The following FOXP1 variants were observed in gnomAD, a reference collection of about 807,000 sequenced individuals.
The protein encoded by FOXP1 is forkhead box protein P1.
FOXP1 carries 15 observed loss-of-function variants against 98.2 expected under a neutral mutation model. That is an observed-to-expected ratio of 0.15 (90% CI 0.10 to 0.24). The LOEUF (loss-of-function observed/expected upper bound fraction) is 0.24. FOXP1 is among the 10% of genes least tolerant of loss of function. FOXP1 has a pLI of 1.00. For missense variants in FOXP1, 633 were observed against 848.5 expected (o/e 0.75, Z 3.15); for synonymous variants, 371 against 314.5 (o/e 1.18, Z -1.90).
chr3:71,013,570 T>C (rs1402819776), intron 12 of FOXP1, among the ~76,000 whole-genome samples: 1 of 152,178 alleles, frequency 6.6e-6, no homozygotes, highest in African/African-American at 2.4e-5. Context: ...AATGGCCACA[T>C]TGCCCAAGGT....
At chr3:71,116,385 C>T (rs1309868622) in intron 6 of FOXP1, among the ~76,000 whole-genome samples, 1 of 152,150 alleles carries the variant, frequency 6.6e-6, no homozygotes, top group East Asian at 1.9e-4. Context: ...CCAAGGGAAA[C>T]TGCAGCCGAC....
intron 3 of FOXP1, among the ~76,000 whole-genome samples, chr3:71,424,742 G>A (rs576078934): frequency 1.3e-3 from 205 of 152,324 alleles, no homozygotes; most frequent in Middle Eastern, 6.8e-3. Context: ...GTGGTCCTCA[G>A]AATTCATCCA....
rs1454869045 is a variant in FOXP1 at position 71,396,955 on chromosome 3, T to TATATATATACACAC, written c.-167-37712_-167-37711insGTGTGTATATATAT. On this transcript the variant is annotated intron_variant, in intron 3 of 20. Transcript: ENST00000649528. ...ATATACACATATATATATGTGTATA[T>TATATATATACACAC]ATATATATGTGTGTATATATATATA... Among the ~76,000 whole-genome samples the TATATATATACACAC allele has an allele frequency of 1.4e-3, 71 of 51,624 alleles. 15 individuals are homozygous for TATATATATACACAC. Among genetic ancestry groups the TATATATATACACAC allele is most frequent in the Non-Finnish European group, 2.1e-3 (47 of 22,270 alleles). 33.9% of individuals were successfully genotyped at this position (51,624 alleles called of 152,430 possible).
intron 20 of FOXP1, among the ~76,000 whole-genome samples, chr3:70,961,697 A>T (rs2033572058): frequency 1.3e-5 from 2 of 151,998 alleles, no homozygotes. Context: ...ATAATTTTGG[A>T]AGCCCAGTGC....
intron 4 of FOXP1, among the ~76,000 whole-genome samples, chr3:71,320,104 T>C (rs1364869420): frequency 6.6e-6 from 1 of 152,092 alleles, no homozygotes; most frequent in East Asian, 1.9e-4. Context: ...TCTTGCAAAA[T>C]GTGAATGTAC....
chr3:71,379,807 A>T (rs928053220), intron 3 of FOXP1, among the ~76,000 whole-genome samples: 2 of 152,224 alleles, frequency 1.3e-5, no homozygotes, highest in Non-Finnish European at 2.9e-5. Flanking sequence ...GAAGCCAAAA[A>T]TATTTACTAC....
At chr3:71,545,347 G>C (rs1214664423) in intron 2 of FOXP1, among the ~76,000 whole-genome samples, 1 of 152,168 alleles carries the variant, frequency 6.6e-6, no homozygotes, top group African/African-American at 2.4e-5. Context: ...TCCCAAATCT[G>C]AGAGAAATAA....
At chr3:71,450,192 A>AT (rs1171905445) in intron 3 of FOXP1, among the ~76,000 whole-genome samples, 1 of 152,242 alleles carries the variant, frequency 6.6e-6, no homozygotes, top group Admixed American at 6.5e-5. Flanking sequence ...AATTTCAATG[A>AT]TTTAACTGAA....
At chr3:71,094,278 C>CTTTTTTTTTTTTTTT (rs1180804992) in intron 7 of FOXP1, among the ~76,000 whole-genome samples, 26 of 127,808 alleles carry the variant, frequency 2.0e-4, no homozygotes, top group Non-Finnish European at 3.1e-4. Context: ...TTTTTCTTTT[C>CTTTTTTTTTTTTTTT]TTTTTTTTTT....
chr3:70,985,815 A>G (rs2039634161), intron 14 of FOXP1, among the ~76,000 whole-genome samples: 1 of 152,076 alleles, frequency 6.6e-6, no homozygotes, highest in Admixed American at 6.6e-5. Context: ...AGTTCTTTAT[A>G]TTGGCTTGTA....
intron 4 of FOXP1, among the ~76,000 whole-genome samples, chr3:71,300,948 G>A (rs1373011629): frequency 6.6e-6 from 1 of 152,158 alleles, no homozygotes; most frequent in Non-Finnish European, 1.5e-5. Flanking sequence ...ATTTCACGAG[G>A]GCTAAAAATT....
At chr3:71,175,667 C>T (rs1228915386) in intron 6 of FOXP1, among the ~76,000 whole-genome samples, 2 of 152,266 alleles carry the variant, frequency 1.3e-5, no homozygotes, top group African/African-American at 4.8e-5. Context: ...GGGTAATCAG[C>T]TGACTTCATA....
chr3:71,424,743 A>G (rs961349912), intron 3 of FOXP1, among the ~76,000 whole-genome samples: 1 of 152,224 alleles, frequency 6.6e-6, no homozygotes, highest in Non-Finnish European at 1.5e-5. Flanking sequence ...TGGTCCTCAG[A>G]ATTCATCCAG....
intron 5 of FOXP1, among the ~76,000 whole-genome samples, chr3:71,281,169 G>T (rs2071519266): frequency 6.6e-6 from 1 of 151,676 alleles, no homozygotes; most frequent in Non-Finnish European, 1.5e-5. Context: ...GTTCAAGGCT[G>T]CAGTGAGCTA....
intron 13 of FOXP1, among the ~76,000 whole-genome samples, chr3:70,997,187 A>G (rs1278089498): frequency 6.6e-6 from 1 of 152,182 alleles, no homozygotes; most frequent in Non-Finnish European, 1.5e-5. Context: ...CCAACAGAAA[A>G]CGGAAATAGG....
At chr3:71,159,648 T>G (rs1221638167) in intron 6 of FOXP1, among the ~76,000 whole-genome samples, 1 of 152,162 alleles carries the variant, frequency 6.6e-6, no homozygotes, top group African/African-American at 2.4e-5. Context: ...TGAGACCAAC[T>G]GACCTTCAGC....
intron 7 of FOXP1, among the ~76,000 whole-genome samples, chr3:71,102,890 G>A (rs974430552): frequency 6.6e-6 from 1 of 152,142 alleles, no homozygotes; most frequent in African/African-American, 2.4e-5. Context: ...TCAGCTGTAT[G>A]GCCTTGGACA....
In FOXP1 at chr3:71,498,654, ACGGGCATT is replaced by A. The variant is rs374524304; in HGVS notation, c.-297-5107_-297-5100del. On this transcript the variant is annotated intron_variant, in intron 2 of 20. Transcript: ENST00000649528. The stretch of plus-strand genomic sequence containing the variant: ...ATTGATAACAGACAACATGCTCATC[ACGGGCATT>A]TCTGAGCATGCCAACAAAGGCCCTC... Among the ~76,000 whole-genome samples the A allele has an allele frequency of 2.1e-4, 32 of 152,348 alleles. No homozygotes were observed. The East Asian group carries it at 6.0e-3, about 29-fold the overall frequency.
chr3:71,421,514 C>G (rs1401811750), intron 3 of FOXP1, among the ~76,000 whole-genome samples: 1 of 151,934 alleles, frequency 6.6e-6, no homozygotes, highest in Non-Finnish European at 1.5e-5. Context: ...ACATTTTTTT[C>G]AAAGAAGCAT....
Sources: allele counts gnomAD v4.1 joint callset (sites outside exome capture counted in the v4.1 genomes callset), GRCh38; gene constraint gnomAD v4.1.1; transcripts MANE v1.5; gene names NCBI Gene and HGNC (gene_info 2026-07-23, HGNC 2026-07-21).